TTC6: variants seen among roughly 807,000 people sequenced by gnomAD.
The protein encoded by TTC6 is tetratricopeptide repeat protein 6.
Under a neutral mutation model 210.4 loss-of-function variants are expected in TTC6, and 172 were observed. The observed-to-expected ratio is 0.82, with a 90% CI of 0.72 to 0.93. The LOEUF (loss-of-function observed/expected upper bound fraction) is 0.93, where lower values mean the gene tolerates loss of function less well. Ranked by LOEUF, TTC6 falls within the 40% of genes least tolerant of loss-of-function variation. The pLI is 0.00. For missense variants in TTC6, 2,414 were observed against 2,318.1 expected (o/e 1.04, Z -0.85); for synonymous variants, 804 against 819.6 (o/e 0.98, Z 0.32).
intron 7 of TTC6, among the ~76,000 whole-genome samples, chr14:37,727,291 A>ATTTTTTTTTTTTTTTTTTTTTTT (rs368293440): frequency 2.2e-5 from 2 of 92,244 alleles, no homozygotes; most frequent in Non-Finnish European, 4.4e-5. Flanking sequence ...TATTTTTCTA[A>ATTTTTTTTTTTTTTTTTTTTTTT]TTTTTTTTTT....
rs114857130 is a variant in TTC6, at chr14:37,627,140, C to A, written c.939+4137C>A. Among the ~76,000 whole-genome samples the A allele has an allele frequency of 1.9e-3, 294 of 152,170 alleles. 1 individual carries two copies. Among genetic ancestry groups the A allele is most frequent in the African/African-American group, 6.8e-3 (284 of 41,502 alleles). On this transcript the variant is annotated intron_variant, in intron 1 of 30. Coordinates refer to ENST00000553443, the Ensembl canonical transcript of TTC6. Reference sequence around the variant, plus strand: ...CTCCTACTTTCATCATGTGAAGTGCCTGCTCCCACTTTGCCTTCCACTATG... The same window carrying A: ...CTCCTACTTTCATCATGTGAAGTGCATGCTCCCACTTTGCCTTCCACTATG...
At chr14:37,838,245 T>TA (rs1434342229) in intron 29 of TTC6, among the ~76,000 whole-genome samples, 1 of 152,196 alleles carries the variant, frequency 6.6e-6, no homozygotes, top group Non-Finnish European at 1.5e-5. Flanking sequence ...AAAGGCCAGT[T>TA]AAAAAAATTC....
At position 37,724,745 on chromosome 14, in the gene TTC6, C is replaced by A. The variant is rs540852304; in HGVS notation, c.1714-153C>A. ...ATGCAGACTTTTACATTTTTGCTAA[C>A]CTGATGGCTGTAAAAAAATTCTTAT... On this transcript the variant is annotated intron_variant, in intron 6 of 30. Transcript: ENST00000553443. Among the ~76,000 whole-genome samples the A allele has an allele frequency of 3.3e-5, 5 of 152,266 alleles. No homozygotes were observed. In the East Asian group the frequency reaches 9.6e-4, roughly 29 times the overall value.
At chr14:37,639,637 G>A (rs969971596) in intron 1 of TTC6, among the ~76,000 whole-genome samples, 2 of 150,790 alleles carry the variant, frequency 1.3e-5, no homozygotes, top group Non-Finnish European at 2.9e-5. Context: ...TTGGGAGGCC[G>A]AGGAGGGAGG....
chr14:37,829,540 A>AT (rs983839009), intron 29 of TTC6, among the ~76,000 whole-genome samples: 3 of 151,974 alleles, frequency 2.0e-5, no homozygotes, highest in Non-Finnish European at 4.4e-5. Context: ...AATTTTAGTA[A>AT]TTTTTTAAAA....
rs2095625769 is a variant in TTC6, at chr14:37,606,679, A to G, written c.-218A>G. The G allele has an allele frequency of 1.0e-6, 1 of 975,508 alleles. No individual in the cohort carries two copies. The highest frequency in any genetic ancestry group is 6.1e-5 in the Admixed American group (1 of 16,266). The allele number at this position is 975,508 out of a possible 1,614,324, so 60.4% of individuals were successfully genotyped here. ...TTTCCCTAGGAAAACCCTTTCCTGT[A>G]TGCCATCTGTTTTCTGTGGGGCCCT... On this transcript the variant is annotated 5_prime_UTR_variant, in exon 2 of 3. The change abolishes an upstream ATG in the 5' untranslated region. Transcript: ENST00000556845.
At chr14:37,666,817 C>T (rs1566874776) in intron 1 of TTC6, among the ~76,000 whole-genome samples, 1 of 150,322 alleles carries the variant, frequency 6.7e-6, no homozygotes, top group Non-Finnish European at 1.5e-5. Context: ...CAAAGTTACA[C>T]TGTGGGCTGG....
chr14:37,762,046 G>C (rs1460849200), intron 14 of TTC6, among the ~76,000 whole-genome samples: 1 of 152,036 alleles, frequency 6.6e-6, no homozygotes, highest in South Asian at 2.1e-4. Flanking sequence ...ATTTGTTTTA[G>C]ATTCCACATA....
At chr14:37,841,823 A>G (rs1464378566) in intron 30 of TTC6, 153 bp downstream of exon 32, 1 of 689,972 alleles carries the variant, frequency 1.4e-6, no homozygotes, top group Non-Finnish European at 2.3e-6. Flanking sequence ...TAATCGATAT[A>G]GGTTCCTTTA....
intron 23 of TTC6, among the ~76,000 whole-genome samples, chr14:37,807,851 G>C (rs1406304739): frequency 6.6e-6 from 1 of 151,948 alleles, no homozygotes; most frequent in Middle Eastern, 3.4e-3. Context: ...CCAAAATTTG[G>C]ACTATGGTAT....
intron 13 of TTC6, among the ~76,000 whole-genome samples, chr14:37,751,789 T>G (rs914115872): frequency 6.6e-6 from 1 of 151,870 alleles, no homozygotes; most frequent in Non-Finnish European, 1.5e-5. Context: ...GAGTAACTTA[T>G]GTTTAGGAGA....
upstream of TTC6, chr14:37,622,013 AC>A: frequency 7.6e-7 from 1 of 1,315,368 alleles, no homozygotes; most frequent in Non-Finnish European, 1.0e-6. Flanking sequence ...ATATACGCAC[AC>A]AACATATGTG....
intron 6 of TTC6, among the ~76,000 whole-genome samples, chr14:37,715,596 C>T (rs889387101): frequency 6.6e-6 from 1 of 151,742 alleles, no homozygotes; most frequent in Non-Finnish European, 1.5e-5. Flanking sequence ...AAGAAAGCAA[C>T]AAAAAAGAAA....
chr14:37,829,523 A>G (rs539029490), intron 29 of TTC6, among the ~76,000 whole-genome samples: 11 of 151,998 alleles, frequency 7.2e-5, no homozygotes, highest in Non-Finnish European at 1.3e-4. Flanking sequence ...TCTCTCATTC[A>G]TTATTCAATT....
chr14:37,596,372 C>T (rs1263085817), intron 1 of TTC6, among the ~76,000 whole-genome samples: 1 of 152,270 alleles, frequency 6.6e-6, no homozygotes, highest in Non-Finnish European at 1.5e-5. Context: ...CGAGACTGCC[C>T]GCAGCGGCGC....
chr14:37,686,200 G>A (rs1276771270), intron 3 of TTC6, among the ~76,000 whole-genome samples: 1 of 152,042 alleles, frequency 6.6e-6, no homozygotes, highest in Non-Finnish European at 1.5e-5. Context: ...CTATATGTCT[G>A]TATTGTAAAA....
At chr14:37,837,213 GA>G (rs2139043332) in intron 29 of TTC6, 1 of 243,298 alleles carries the variant, frequency 4.1e-6, no homozygotes, top group South Asian at 4.0e-5. Flanking sequence ...TCTTACCTGA[GA>G]AAAAGAATTT....
chr14:37,806,714 A>T (rs1451819605), intron 22 of TTC6, among the ~76,000 whole-genome samples: 1 of 152,184 alleles, frequency 6.6e-6, no homozygotes, highest in Admixed American at 6.5e-5. Context: ...GATATATATA[A>T]ACGTATCTGT....
chr14:37,817,527 G>C, intron 25 of TTC6, 51 bp from the exon 28 acceptor site: 1 of 1,543,308 alleles, frequency 6.5e-7, no homozygotes, highest in Admixed American at 1.7e-5. Flanking sequence ...GTTTAAGATA[G>C]CACATAAAAT....
Sources: gnomAD v4.1 joint callset for allele counts (sites outside exome capture counted in the v4.1 genomes callset) on GRCh38, gnomAD v4.1.1 for gene constraint, MANE v1.5 for transcripts, NCBI Gene and HGNC (gene_info 2026-07-23, HGNC 2026-07-21) for gene names.